The following HOOK1 variants were observed in gnomAD, a reference collection of about 807,000 sequenced individuals.
HOOK1 encodes protein Hook homolog 1.
Under a neutral mutation model 112.8 loss-of-function variants are expected in HOOK1, and 60 were observed. The observed-to-expected ratio is 0.53, with a 90% confidence interval of 0.43 to 0.66. The LOEUF (loss-of-function observed/expected upper bound fraction) is 0.66. Among genes scored for constraint, HOOK1 ranks in the 30% least tolerant of loss-of-function variants. HOOK1 has a pLI of 0.00. For synonymous variants in HOOK1, 294 were observed against 283.8 expected, an observed-to-expected ratio of 1.04 and a Z score of -0.36; for missense variants, 770 against 856.0, an observed-to-expected ratio of 0.90 and a Z score of 1.25.
intron 4 of HOOK1, 40 bp downstream of exon 4, chr1:59,832,253 A>C: frequency 8.2e-7 from 1 of 1,226,994 alleles, no homozygotes; most frequent in Non-Finnish European, 1.2e-6. Flanking sequence ...GCATCATGCT[A>C]TACGAAAATT....
intron 12 of HOOK1, among the ~76,000 whole-genome samples, chr1:59,849,896 T>C (rs1185085810): frequency 6.6e-6 from 1 of 151,714 alleles, no homozygotes; most frequent in Non-Finnish European, 1.5e-5. Flanking sequence ...TTCTACTTTT[T>C]GGCTGTTATG....
intron 8 of HOOK1, among the ~76,000 whole-genome samples, chr1:59,842,302 T>G (rs2098401441): frequency 6.6e-6 from 1 of 152,124 alleles, no homozygotes; most frequent in South Asian, 2.1e-4. Context: ...ATTTCTACTG[T>G]AAGGGTCTTG....
At chr1:59,855,848 T>C (rs2098410169) in intron 12 of HOOK1, among the ~76,000 whole-genome samples, 1 of 148,934 alleles carries the variant, frequency 6.7e-6, no homozygotes, top group Non-Finnish European at 1.5e-5. Context: ...TCATGGCTCA[T>C]TGAAGCCTCA....
rs534785539 is a variant in HOOK1, at chr1:59,851,430, T to G, written c.1242+2247T>G. ...AGTGTTTCATTCTTTTTGTTGTTAT[T>G]TTAAATAAAATTATCAATATCATTT... is the stretch of plus-strand genomic sequence containing the variant. On this transcript the variant is annotated intron_variant, in intron 12 of 21. Coordinates refer to ENST00000371208, the MANE Select transcript of HOOK1 (RefSeq NM_015888.6). Among the ~76,000 whole-genome samples the G allele has an allele frequency of 2.4e-4, 36 of 151,746 alleles. 1 individual carries two copies. The South Asian group carries it at 7.5e-3, about 31-fold the overall frequency.
At chr1:59,818,176 G>C (rs1276888607) in intron 1 of HOOK1, among the ~76,000 whole-genome samples, 5 of 152,162 alleles carry the variant, frequency 3.3e-5, no homozygotes, top group African/African-American at 7.2e-5. Flanking sequence ...TTTGGCTATA[G>C]ATTAAAGGGA....
intron 12 of HOOK1, among the ~76,000 whole-genome samples, chr1:59,854,501 GT>G (rs796499161): frequency 4.8e-5 from 7 of 146,460 alleles, no homozygotes; most frequent in Non-Finnish European, 7.6e-5. Flanking sequence ...ATTCTCTGTT[GT>G]TTTTTTTTTA....
In HOOK1 at chr1:59,868,243, TAAACAG is replaced by T; in HGVS notation, c.1846-6_1846-1del. On this transcript the variant is annotated splice_acceptor_variant and splice_polypyrimidine_tract_variant and intron_variant, in intron 19 of 21. Transcript: ENST00000371208. LOFTEE classifies it high-confidence loss of function. ...AAAGTGAACATAGTATTTTTTTCTTTAAACAGGTAATAAAAACTTTGGATCCCAAGT... is the reference window on the plus strand; with the variant it reads ...AAAGTGAACATAGTATTTTTTTCTTTGTAATAAAAACTTTGGATCCCAAGT... The T allele has an allele frequency of 6.7e-7, 1 of 1,498,874 alleles. No homozygotes were observed. The highest frequency in any genetic ancestry group is 1.7e-5 in the Admixed American group (1 of 58,284). 92.8% of individuals were successfully genotyped at this position (1,498,874 alleles called of 1,614,324 possible).
Position 59,872,336 on chromosome 1 carries a change from C to T in HOOK1, c.2017-459C>T, listed in dbSNP as rs145451985. Among the ~76,000 whole-genome samples the T allele has an allele frequency of 1.3e-3, 200 of 152,238 alleles. No individual in the cohort carries two copies. In the Middle Eastern group the frequency reaches 0.014, roughly 10 times the overall value. The stretch of plus-strand genomic sequence containing the variant: ...ACTTGTTAAAACACAAATTGCTAGA[C>T]GCACTGGCAGAACTTCTGATTCAGT... On this transcript the variant is annotated intron_variant, in intron 21 of 21. Transcript: ENST00000371208.
intron 21 of HOOK1, among the ~76,000 whole-genome samples, chr1:59,871,556 AT>A (rs574591203): frequency 2.0e-5 from 3 of 151,882 alleles, no homozygotes; most frequent in Admixed American, 6.6e-5. Flanking sequence ...TTATTACTTT[AT>A]TTTTTTTATC....
At chr1:59,818,239 T>G (rs1033072824) in intron 1 of HOOK1, among the ~76,000 whole-genome samples, 1 of 152,082 alleles carries the variant, frequency 6.6e-6, no homozygotes, top group Admixed American at 6.5e-5. Context: ...AGATAGAAGA[T>G]TAAAAAAAGT....
intron 19 of HOOK1, among the ~76,000 whole-genome samples, chr1:59,866,371 T>C (rs910876325): frequency 4.6e-5 from 7 of 152,244 alleles, no homozygotes; most frequent in Non-Finnish European, 1.0e-4. Context: ...GTTTAGCTTT[T>C]TAAATGTATT....
intron 16 of HOOK1, among the ~76,000 whole-genome samples, chr1:59,864,147 C>T (rs1305004869): frequency 6.6e-6 from 1 of 151,640 alleles, no homozygotes; most frequent in African/African-American, 2.4e-5. Flanking sequence ...TATTCAGTTG[C>T]TTCATTTTGG....
chr1:59,851,969 C>A (rs1436031919), intron 12 of HOOK1, among the ~76,000 whole-genome samples: 1 of 151,506 alleles, frequency 6.6e-6, no homozygotes, highest in Non-Finnish European at 1.5e-5. Context: ...TGATGTATTA[C>A]ATTGATTTTT....
intron 12 of HOOK1, among the ~76,000 whole-genome samples, chr1:59,849,899 C>T (rs1485830786): frequency 6.6e-6 from 1 of 151,504 alleles, no homozygotes; most frequent in East Asian, 1.9e-4. Context: ...TACTTTTTGG[C>T]TGTTATGAAT....
At chr1:59,864,704 G>C (rs779331839) in intron 17 of HOOK1, 38 bp downstream of exon 17, 1 of 1,294,612 alleles carries the variant, frequency 7.7e-7, no homozygotes, top group Non-Finnish European at 1.1e-6. Context: ...ATATGAGAAG[G>C]GAGGGGTTGT....
chr1:59,848,162 T>C (rs1362588253), intron 10 of HOOK1, among the ~76,000 whole-genome samples, 153 bp from the exon 11 acceptor site: 1 of 151,726 alleles, frequency 6.6e-6, no homozygotes, highest in East Asian at 1.9e-4. Context: ...TCCAAAGTTC[T>C]TACAAAGTTT....
intron 12 of HOOK1, among the ~76,000 whole-genome samples, chr1:59,850,892 C>G (rs949743536): frequency 1.3e-5 from 2 of 151,428 alleles, no homozygotes; most frequent in Non-Finnish European, 3.0e-5. Context: ...TCTGTATTTT[C>G]TGCTCAATTT....
Position 59,876,134 on chromosome 1 carries a change from G to A in HOOK1, c.*3169G>A, listed in dbSNP as rs933518487. 1 of 152,602 alleles carries A rather than the reference G, an allele frequency of 6.6e-6. No individual in the cohort carries two copies. Among genetic ancestry groups the A allele is most frequent in the South Asian group, 2.1e-4 (1 of 4,836 alleles). 9.5% of individuals were successfully genotyped at this position (152,602 alleles called of 1,614,324 possible). On this transcript the variant is annotated 3_prime_UTR_variant, in exon 22 of 22. Coordinates refer to ENST00000371208, the MANE Select transcript of HOOK1 (RefSeq NM_015888.6). ...TTGTGAAGAAGTAGTTTGGAAATTTGTAAAGCACAAACCATAAAAGAGTGT... is the reference window on the plus strand; with the variant it reads ...TTGTGAAGAAGTAGTTTGGAAATTTATAAAGCACAAACCATAAAAGAGTGT...
intron 1 of HOOK1, among the ~76,000 whole-genome samples, chr1:59,820,918 A>G (rs1315272918): frequency 6.6e-6 from 1 of 152,190 alleles, no homozygotes; most frequent in Non-Finnish European, 1.5e-5. Context: ...GGTATCATTC[A>G]TCTGTGTTGT....
Sources: gnomAD v4.1 joint callset for allele counts (sites outside exome capture counted in the v4.1 genomes callset) on GRCh38, gnomAD v4.1.1 for gene constraint, MANE v1.5 for transcripts, NCBI Gene and HGNC (gene_info 2026-07-23, HGNC 2026-07-21) for gene names.